The following FBN2 variants were observed in gnomAD, a reference collection of about 807,000 sequenced individuals.
The protein encoded by FBN2 is fibrillin-2.
A neutral mutation model predicts 355.6 loss-of-function variants in FBN2; 105 were observed. That is an observed-to-expected ratio of 0.30 (90% CI 0.25 to 0.35). The LOEUF is 0.35. FBN2 is among the 10% of genes least tolerant of loss of function. The pLI is 1.00. For synonymous variants in FBN2, 1,350 were observed against 1,301.2 expected (o/e 1.04, Z -0.81); for missense variants, 3,280 against 3,758.7 (o/e 0.87, Z 3.33).
At chr5:128,468,781 T>C (rs1268883222) in intron 5 of FBN2, among the ~76,000 whole-genome samples, 1 of 152,186 alleles carries the variant, frequency 6.6e-6, no homozygotes, top group Non-Finnish European at 1.5e-5. Context: ...TTATTGTTTA[T>C]AGAAAATACA....
At chr5:128,355,278 C>T (rs771215888) in intron 20 of FBN2, among the ~76,000 whole-genome samples, 1 of 152,082 alleles carries the variant, frequency 6.6e-6, no homozygotes, top group African/African-American at 2.4e-5. Context: ...AGAGCGCAGA[C>T]CCAAGCCAAA....
intron 55 of FBN2, 118 bp from the exon 56 acceptor site, chr5:128,280,435 G>A: frequency 4.0e-6 from 3 of 748,706 alleles, no homozygotes; most frequent in Non-Finnish European, 6.9e-6. Flanking sequence ...AATATGATGA[G>A]ATTAAAAATG....
At chr5:128,448,345 CCCAGGCTGGAGTGTGCAGTGGCGTGA>C (rs1754131025) in intron 6 of FBN2, among the ~76,000 whole-genome samples, 1 of 151,704 alleles carries the variant, frequency 6.6e-6, no homozygotes, top group African/African-American at 2.4e-5. Context: ...GCTCTTGTTG[CCCAGGCTGGAGTGTGCAGTGGCGTGA>C]TCTTGACTCA....
At chr5:128,290,599 G>A (rs1252427844) in intron 50 of FBN2, 133 bp downstream of exon 50, 2 of 922,934 alleles carry the variant, frequency 2.2e-6, no homozygotes, top group Non-Finnish European at 3.5e-6. Flanking sequence ...GTTGTTCAAT[G>A]AACCATCAAA....
intron 7 of FBN2, among the ~76,000 whole-genome samples, chr5:128,422,153 C>T (rs1212463585): frequency 6.6e-6 from 1 of 152,152 alleles, no homozygotes; most frequent in Non-Finnish European, 1.5e-5. Context: ...TTGATTTGGG[C>T]TTGGTTAGAC....
At chr5:128,413,445 C>T (rs1186174212) in intron 7 of FBN2, among the ~76,000 whole-genome samples, 1 of 151,412 alleles carries the variant, frequency 6.6e-6, no homozygotes, top group African/African-American at 2.4e-5. Flanking sequence ...CTTCAAAGGG[C>T]AAAAAAAGAG....
At chr5:128,286,294 A>G (rs893434066) in intron 55 of FBN2, among the ~76,000 whole-genome samples, 17 of 152,114 alleles carry the variant, frequency 1.1e-4, no homozygotes, top group Non-Finnish European at 2.2e-4. Context: ...TCAGAAACTC[A>G]CTCTTTTGTA....
chr5:128,259,770 G>A lies in FBN2; in HGVS notation c.8424C>T (p.Asn2808=), dbSNP rs748360729. 9.3e-6 allele frequency: 15 copies of A among 1,613,712 alleles called. No individual in the cohort carries two copies. The highest frequency in any genetic ancestry group is 1.7e-5 in the Admixed American group (1 of 59,960). The change falls in exon 65 of 65, where the codon AAC becomes AAT. Residue 2808 remains asparagine (N), a synonymous_variant. Transcript: ENST00000262464. ...GCTCCTTAGAGCCGAGGTGGGAGAG[G>A]TTGAACTTCATGTTGACGGGGCTGT... The part of the protein sequence containing the change: ...DMDSPVNMKF[N]LSHLGSKEHI...
Position 128,276,209 on chromosome 5 carries a change from C to T in FBN2, c.7472-49G>A, listed in dbSNP as rs1410652742. 3.1e-6 allele frequency: 5 copies of T among 1,588,016 alleles called. No homozygotes were observed. The African/African-American group carries it at 5.4e-5, about 17-fold the overall frequency. ...TAAATTACTGGTTAAAAGAAACAAC[C>T]AGACTCTTTCCTCCTTCCATATTCT... On this transcript the variant is annotated intron_variant, in intron 58 of 64. Coordinates refer to ENST00000262464, the MANE Select transcript of FBN2 (RefSeq NM_001999.4).
At chr5:128,339,636 C>A (rs1356416903) in intron 25 of FBN2, among the ~76,000 whole-genome samples, 1 of 152,144 alleles carries the variant, frequency 6.6e-6, no homozygotes, top group African/African-American at 2.4e-5. Context: ...ATGAACCCTG[C>A]AACTGTGGTA....
Position 128,258,052 on chromosome 5 carries a change from TA to T in FBN2, c.*1402del, listed in dbSNP as rs1439459356. ...CTGTTCCTTTTTTCTTTTTAGTTAT[TA>T]AAAAAACAATAAAACCTCAAAATAC... On this transcript the variant is annotated 3_prime_UTR_variant, in exon 65 of 65. Coordinates refer to ENST00000262464, the MANE Select transcript of FBN2 (RefSeq NM_001999.4). 6.6e-6 allele frequency: 1 copy of T among 152,456 alleles called. No individual in the cohort carries two copies. The highest frequency in any genetic ancestry group is 2.4e-5 in the African/African-American group (1 of 41,344). The allele number at this position is 152,456 out of a possible 1,614,324, so 9.4% of individuals were successfully genotyped here.
intron 4 of FBN2, among the ~76,000 whole-genome samples, chr5:128,524,808 GTTCTA>G (rs747995375): frequency 6.6e-6 from 1 of 151,956 alleles, no homozygotes; most frequent in Non-Finnish European, 1.5e-5. Flanking sequence ...TCCCCTATAT[GTTCTA>G]TTATCCCTGA....
chr5:128,375,573 A>G (rs994301785), intron 14 of FBN2, among the ~76,000 whole-genome samples: 17 of 152,194 alleles, frequency 1.1e-4, no homozygotes, highest in African/African-American at 3.9e-4. Flanking sequence ...GAAACATAAG[A>G]ATTCAGTCTC....
chr5:128,525,470 A>T (rs1756537722), intron 4 of FBN2, among the ~76,000 whole-genome samples: 1 of 152,168 alleles, frequency 6.6e-6, no homozygotes. Context: ...AAGAAAATAT[A>T]GAAAAAGTAT....
At chr5:128,421,565 C>T (rs1374519010) in intron 7 of FBN2, among the ~76,000 whole-genome samples, 1 of 152,060 alleles carries the variant, frequency 6.6e-6, no homozygotes, top group Non-Finnish European at 1.5e-5. Context: ...TAGAGTAAGT[C>T]TTTGCAAGGT....
intron 7 of FBN2, among the ~76,000 whole-genome samples, chr5:128,426,047 C>A (rs1753474572): frequency 6.6e-6 from 1 of 152,064 alleles, no homozygotes; most frequent in African/African-American, 2.4e-5. Flanking sequence ...TAATGCTTTG[C>A]CTGTAAACCA....
intron 6 of FBN2, among the ~76,000 whole-genome samples, chr5:128,456,244 T>C (rs1298963186): frequency 2.0e-5 from 3 of 152,008 alleles, no homozygotes; most frequent in African/African-American, 7.2e-5. Flanking sequence ...GGGGCCTTCC[T>C]GCAGGATCTC....
intron 35 of FBN2, 36 bp downstream of exon 35, chr5:128,318,843 G>T: frequency 6.2e-7 from 1 of 1,601,868 alleles, no homozygotes; most frequent in Non-Finnish European, 8.5e-7. Flanking sequence ...TCATTTCAAT[G>T]AATCAGAACA....
intron 7 of FBN2, among the ~76,000 whole-genome samples, chr5:128,409,141 AAC>A (rs1354642996): frequency 3.9e-5 from 6 of 152,250 alleles, no homozygotes; most frequent in African/African-American, 1.4e-4. Context: ...CCTTTAAAAA[AAC>A]ACATACATGG....
Sources: allele counts gnomAD v4.1 joint callset (sites outside exome capture counted in the v4.1 genomes callset), GRCh38; gene constraint gnomAD v4.1.1; transcripts MANE v1.5; gene names NCBI Gene and HGNC (gene_info 2026-07-23, HGNC 2026-07-21).